Variants in MLLT3 observed in about 807,000 individuals in gnomAD.
MLLT3 encodes protein AF-9.
MLLT3 carries 4 observed loss-of-function variants against 53.2 expected under a neutral mutation model. The ratio of observed to expected loss-of-function variants is 0.08; its 90% CI spans 0.04 to 0.17. The LOEUF is 0.17. Among genes scored for constraint, MLLT3 ranks in the 10% least tolerant of loss-of-function variants. MLLT3 has a pLI of 1.00. For synonymous variants in MLLT3, 283 were observed against 230.6 expected, an observed-to-expected ratio of 1.23 and a Z score of -2.06; for missense variants, 569 against 684.0, an observed-to-expected ratio of 0.83 and a Z score of 1.87.
At chr9:20,361,554 A>G (rs1312099779) in intron 7 of MLLT3, among the ~76,000 whole-genome samples, 2 of 152,204 alleles carry the variant, frequency 1.3e-5, no homozygotes, top group African/African-American at 4.8e-5. Flanking sequence ...ACAACAATTC[A>G]TTGGAAATAC....
At chr9:20,586,948 TA>T (rs1286377225) in intron 2 of MLLT3, among the ~76,000 whole-genome samples, 1 of 152,172 alleles carries the variant, frequency 6.6e-6, no homozygotes, top group Non-Finnish European at 1.5e-5. Context: ...AATCTGTTTT[TA>T]AAACAAAAGC....
At chr9:20,367,795 G>C (rs1025743264) in intron 5 of MLLT3, among the ~76,000 whole-genome samples, 1 of 152,168 alleles carries the variant, frequency 6.6e-6, no homozygotes, top group African/African-American at 2.4e-5. Flanking sequence ...AGCACAACCA[G>C]AAATCACTAA....
In MLLT3 at chr9:20,498,266, A is replaced by AAAAAAAG. The variant is rs760352616; in HGVS notation, c.194-41481_194-41480insCTTTTTT. Among the ~76,000 whole-genome samples, 20 of 98,346 alleles carry AAAAAAAG rather than the reference A, an allele frequency of 2.0e-4. 4 individuals are homozygous for AAAAAAAG. The East Asian group carries it at 2.4e-3, about 12-fold the overall frequency. The allele number at this position is 98,346 out of a possible 152,430, so 64.5% of individuals were successfully genotyped here. A position where few individuals can be genotyped will look rare whatever the true frequency, so the allele number is the denominator to read the frequency against. The stretch of plus-strand genomic sequence containing the variant: ...AAAAAAAAAAAAAAAAAAAAAAAAA[A>AAAAAAAG]GTTCTTCTAGCTGTTCTACCTTTAC... On this transcript the variant is annotated intron_variant, in intron 2 of 10. Transcript: ENST00000380338.
chr9:20,566,008 A>ATT (rs1563820788), intron 2 of MLLT3, among the ~76,000 whole-genome samples: 12 of 127,638 alleles, frequency 9.4e-5, no homozygotes, highest in African/African-American at 3.0e-4. Context: ...ATTTATATAT[A>ATT]TATTTTTATA....
At chr9:20,402,411 A>C (rs181710502) in intron 5 of MLLT3, among the ~76,000 whole-genome samples, 10 of 152,322 alleles carry the variant, frequency 6.6e-5, no homozygotes, top group Admixed American at 4.6e-4. Context: ...TTTGGTCTGA[A>C]GGATGACTCA....
intron 5 of MLLT3, among the ~76,000 whole-genome samples, chr9:20,410,080 C>T (rs959352773): frequency 2.0e-5 from 3 of 152,136 alleles, no homozygotes; most frequent in South Asian, 2.1e-4. Flanking sequence ...TTACATTGAT[C>T]ATGTAGCAGA....
rs2118580054 is a variant in MLLT3, at chr9:20,346,330, C to T, written c.*113G>A. On this transcript the variant is annotated 3_prime_UTR_variant, in exon 11 of 11. Coordinates refer to ENST00000380338, the MANE Select transcript of MLLT3 (RefSeq NM_004529.4). ...ATTTTTATTTTTTCCCTTTTGGTTG[C>T]ATCATTTTGAGTGTTTTCATATAAA... is the stretch of plus-strand genomic sequence containing the variant. 4 of 1,050,022 alleles carry T rather than the reference C, an allele frequency of 3.8e-6. No individual in the cohort carries two copies. The highest frequency in any genetic ancestry group is 3.9e-6 in the Non-Finnish European group (3 of 762,380). The allele number at this position is 1,050,022 out of a possible 1,614,324, so 65.0% of individuals were successfully genotyped here. A position where few individuals can be genotyped will look rare whatever the true frequency, so the allele number is the denominator to read the frequency against.
intron 2 of MLLT3, among the ~76,000 whole-genome samples, chr9:20,584,430 T>G (rs1376816710): frequency 1.3e-5 from 2 of 152,200 alleles, no homozygotes; most frequent in Non-Finnish European, 2.9e-5. Flanking sequence ...CCCACTCTAC[T>G]GGTACCAATT....
In MLLT3 at chr9:20,344,329, T is replaced by G. The variant is rs934123087; in HGVS notation, c.*2114A>C. On this transcript the variant is annotated 3_prime_UTR_variant, in exon 11 of 11. Coordinates refer to ENST00000380338, the MANE Select transcript of MLLT3 (RefSeq NM_004529.4). ...TTCTAGTTAAACTACACAGATATAT[T>G]AAATCACATAAACTTCTGGCTTGAT... The G allele has an allele frequency of 1.0e-5, 2 of 200,834 alleles. No individual in the cohort carries two copies. Among genetic ancestry groups the G allele is most frequent in the East Asian group, 1.5e-4 (2 of 12,980 alleles). 12.4% of individuals were successfully genotyped at this position (200,834 alleles called of 1,614,324 possible).
chr9:20,572,576 T>C (rs1206457321), intron 2 of MLLT3, among the ~76,000 whole-genome samples: 2 of 152,188 alleles, frequency 1.3e-5, no homozygotes, highest in African/African-American at 4.8e-5. Context: ...GGCGAATCAC[T>C]TGAGGTCAGG....
At chr9:20,501,773 A>AC (rs1472458611) in intron 2 of MLLT3, among the ~76,000 whole-genome samples, 1 of 147,600 alleles carries the variant, frequency 6.8e-6, no homozygotes, top group African/African-American at 2.5e-5. Context: ...AAAAAAAAAA[A>AC]AAAAAAAAAA....
chr9:20,606,559 T>C (rs1820576595), intron 2 of MLLT3, among the ~76,000 whole-genome samples: 1 of 152,114 alleles, frequency 6.6e-6, no homozygotes, highest in Non-Finnish European at 1.5e-5. Flanking sequence ...TATAAACAAT[T>C]TTACTCTGCA....
intron 2 of MLLT3, among the ~76,000 whole-genome samples, chr9:20,606,948 G>C (rs1419641210): frequency 1.3e-5 from 2 of 152,014 alleles, no homozygotes; most frequent in Non-Finnish European, 2.9e-5. Context: ...ATAACATAAA[G>C]AAAACTCAGA....
intron 2 of MLLT3, among the ~76,000 whole-genome samples, chr9:20,530,675 C>T (rs1442184805): frequency 1.3e-5 from 2 of 152,178 alleles, no homozygotes; most frequent in Non-Finnish European, 2.9e-5. Flanking sequence ...GTATAAATTG[C>T]TTGCACATTT....
intron 8 of MLLT3, among the ~76,000 whole-genome samples, chr9:20,360,230 A>G (rs868428723): frequency 2.3e-4 from 35 of 152,192 alleles, no homozygotes; most frequent in African/African-American, 8.2e-4. Flanking sequence ...AGTGCCAAGG[A>G]GGGGCTGTGC....
At chr9:20,548,400 T>C (rs1014523458) in intron 2 of MLLT3, among the ~76,000 whole-genome samples, 3 of 152,244 alleles carry the variant, frequency 2.0e-5, no homozygotes, top group South Asian at 4.1e-4. Context: ...ATTTTTGTTC[T>C]CTGAAAAGCC....
chr9:20,617,635 TAATA>T (rs1340620090), intron 2 of MLLT3, among the ~76,000 whole-genome samples: 1 of 152,232 alleles, frequency 6.6e-6, no homozygotes, highest in Non-Finnish European at 1.5e-5. Context: ...TCTTTGGTAC[TAATA>T]AATAAGATAT....
At chr9:20,375,122 T>C (rs1187257236) in intron 5 of MLLT3, among the ~76,000 whole-genome samples, 2 of 152,238 alleles carry the variant, frequency 1.3e-5, no homozygotes, top group Non-Finnish European at 2.9e-5. Context: ...TTGCTGTTGC[T>C]TAAGACACTC....
intron 2 of MLLT3, among the ~76,000 whole-genome samples, chr9:20,461,536 G>A (rs1337327586): frequency 6.6e-6 from 1 of 151,812 alleles, no homozygotes; most frequent in African/African-American, 2.4e-5. Context: ...AGAAATAAAT[G>A]CTCTGTAAAT....
Sources: allele counts gnomAD v4.1 joint callset (sites outside exome capture counted in the v4.1 genomes callset), GRCh38; gene constraint gnomAD v4.1.1; transcripts MANE v1.5; gene names NCBI Gene and HGNC (gene_info 2026-07-23, HGNC 2026-07-21).